RUVBL1: variants seen among roughly 807,000 people sequenced by gnomAD.
The protein encoded by RUVBL1 is ruvB-like 1.
In RUVBL1, 4 loss-of-function variants were observed where a neutral mutation model predicts 52.4. The observed-to-expected ratio is 0.08, with a 90% CI of 0.04 to 0.17. The LOEUF (loss-of-function observed/expected upper bound fraction) is 0.17, where lower values mean the gene tolerates loss of function less well. RUVBL1 is among the 10% of genes least tolerant of loss of function. RUVBL1 has a pLI of 1.00. For synonymous variants in RUVBL1, 217 were observed against 214.4 expected (o/e 1.01, Z -0.10); for missense variants, 298 against 572.8 (o/e 0.52, Z 4.90).
rs1332555086 is a variant in RUVBL1, at chr3:128,094,751, C to T, written c.1016+2549G>A. On this transcript the variant is annotated intron_variant, in intron 8 of 10. Transcript: ENST00000322623. Reference sequence around the variant, plus strand: ...GCCCTCAGTTAGTCACCTCCCTTCCCCCTCTCTTTCCTTCGGAGCTCTAGA... The same window carrying T: ...GCCCTCAGTTAGTCACCTCCCTTCCTCCTCTCTTTCCTTCGGAGCTCTAGA... Among the ~76,000 whole-genome samples the T allele has an allele frequency of 3.3e-5, 5 of 152,320 alleles. No individual in the cohort carries two copies. In the East Asian group the frequency reaches 9.6e-4, roughly 29 times the overall value.
intron 1 of RUVBL1, among the ~76,000 whole-genome samples, chr3:128,152,941 C>CG (rs1266650269): frequency 2.0e-5 from 1 of 51,028 alleles, no homozygotes; most frequent in Non-Finnish European, 3.8e-5. Flanking sequence ...CGCCCTCCCC[C>CG]CCGCCCCCGT....
At chr3:128,065,732 ATTTT>A (rs758640768) in intron 9 of RUVBL1, among the ~76,000 whole-genome samples, 3 of 97,528 alleles carry the variant, frequency 3.1e-5, no homozygotes, top group South Asian at 7.0e-4. Flanking sequence ...ATCATTAAGA[ATTTT>A]TTTTTTTTTT....
intron 4 of RUVBL1, among the ~76,000 whole-genome samples, chr3:128,102,698 T>C (rs1943133066): frequency 6.6e-6 from 1 of 152,250 alleles, no homozygotes; most frequent in Middle Eastern, 3.2e-3. Context: ...GGAATGACTG[T>C]AAATGAGTAG....
chr3:128,144,557 G>A (rs1172012480), intron 1 of RUVBL1, among the ~76,000 whole-genome samples: 1 of 152,184 alleles, frequency 6.6e-6, no homozygotes, highest in African/African-American at 2.4e-5. Context: ...GGATGTCTTC[G>A]TGGGCTAGAG....
chr3:128,070,529 C>T (rs926336538), intron 9 of RUVBL1: 1 of 152,288 alleles, frequency 6.6e-6, no homozygotes, highest in Admixed American at 6.5e-5. Flanking sequence ...AGCTATCAGA[C>T]ATGGACAGAA....
At chr3:128,138,522 G>A (rs1344936484) in intron 1 of RUVBL1, among the ~76,000 whole-genome samples, 1 of 151,852 alleles carries the variant, frequency 6.6e-6, no homozygotes, top group East Asian at 1.9e-4. Flanking sequence ...TCTCTACAGT[G>A]AAAACTATAA....
intron 9 of RUVBL1, chr3:128,069,006 C>A (rs1031427058): frequency 6.6e-6 from 1 of 152,620 alleles, no homozygotes; most frequent in Non-Finnish European, 1.5e-5. Flanking sequence ...AGTTCATTCT[C>A]TTAATATTAA....
chr3:128,105,710 T>C (rs1362298442), intron 3 of RUVBL1, among the ~76,000 whole-genome samples: 1 of 152,048 alleles, frequency 6.6e-6, no homozygotes, highest in Non-Finnish European at 1.5e-5. Context: ...CTAAAATAAT[T>C]AGGTATCTAT....
intron 9 of RUVBL1, among the ~76,000 whole-genome samples, chr3:128,066,032 G>C (rs977499320): frequency 5.9e-5 from 9 of 151,860 alleles, no homozygotes; most frequent in Non-Finnish European, 1.2e-4. Flanking sequence ...GTGAGCCACC[G>C]CACCCGGCCT....
chr3:128,082,377 G>T lies in RUVBL1; in HGVS notation c.1211+106C>A. ...TCGCGCCAGGAAGAGCGGATGGATA[G>T]AGTCCCATGCCCTAGGAAGGGACCT... On this transcript the variant is annotated intron_variant, in intron 10 of 10. Coordinates refer to ENST00000322623, the MANE Select transcript of RUVBL1 (RefSeq NM_003707.3). The surrounding 1 kb of genome is among the most constrained non-coding windows in gnomAD (Gnocchi z 4.7). The T allele has an allele frequency of 1.2e-6, 1 of 810,336 alleles. No individual in the cohort carries two copies. 50.2% of individuals were successfully genotyped at this position (810,336 alleles called of 1,614,324 possible).
intron 9 of RUVBL1, among the ~76,000 whole-genome samples, chr3:128,072,275 G>A (rs1340229628): frequency 6.6e-6 from 1 of 152,198 alleles, no homozygotes; most frequent in Non-Finnish European, 1.5e-5. Flanking sequence ...CCCCAAACCT[G>A]CCGCCGTCCC....
chr3:128,069,555 G>A (rs2107654771), intron 9 of RUVBL1: 3 of 1,614,094 alleles, frequency 1.9e-6, no homozygotes, highest in Non-Finnish European at 2.5e-6. Context: ...AGGCGCCATT[G>A]GGTCTGGAAC....
At chr3:128,139,990 A>G (rs145089117) in intron 1 of RUVBL1, among the ~76,000 whole-genome samples, 19 of 152,278 alleles carry the variant, frequency 1.2e-4, no homozygotes, top group African/African-American at 3.6e-4. Context: ...ATAGTCAACA[A>G]TAACTTATTG....
chr3:128,093,189 T>C (rs1379450118), intron 8 of RUVBL1, among the ~76,000 whole-genome samples: 3 of 152,218 alleles, frequency 2.0e-5, no homozygotes, highest in Non-Finnish European at 4.4e-5. Flanking sequence ...AAGAAATAAG[T>C]ACTACGCATG....
At chr3:128,072,581 C>T (rs1254520764) in intron 9 of RUVBL1, among the ~76,000 whole-genome samples, 5 of 152,084 alleles carry the variant, frequency 3.3e-5, no homozygotes, top group African/African-American at 4.8e-5. Flanking sequence ...AGGTCTGCCC[C>T]GCGCTCCCTC....
intron 4 of RUVBL1, among the ~76,000 whole-genome samples, chr3:128,104,511 C>G (rs1035548695): frequency 6.6e-5 from 10 of 152,196 alleles, no homozygotes; most frequent in African/African-American, 2.4e-4. Context: ...AGTTTCTTGA[C>G]TTAACCACAC....
chr3:128,085,902 G>A (rs992459131), intron 9 of RUVBL1, among the ~76,000 whole-genome samples: 2 of 152,206 alleles, frequency 1.3e-5, no homozygotes, highest in Admixed American at 1.3e-4. Context: ...TTAAGAACAC[G>A]GGTTTCCGGA....
intron 1 of RUVBL1, among the ~76,000 whole-genome samples, chr3:128,146,347 TCTGTG>T (rs1380227604): frequency 6.6e-6 from 1 of 151,710 alleles, no homozygotes; most frequent in Non-Finnish European, 1.5e-5. Flanking sequence ...TGCGTGTGTC[TCTGTG>T]CTTATGCATG....
intron 1 of RUVBL1, among the ~76,000 whole-genome samples, chr3:128,121,098 T>C (rs1943636195): frequency 6.6e-6 from 1 of 152,104 alleles, no homozygotes; most frequent in Non-Finnish European, 1.5e-5. Context: ...CTTCAGATGC[T>C]ACTTTTCTTT....
Sources: gnomAD v4.1 joint callset for allele counts (sites outside exome capture counted in the v4.1 genomes callset) on GRCh38, gnomAD v4.1.1 for gene constraint, Gnocchi (gnomAD v3.1) non-coding constraint, MANE v1.5 for transcripts, NCBI Gene and HGNC (gene_info 2026-07-23, HGNC 2026-07-21) for gene names.